FCRL4: variants seen among roughly 807,000 people sequenced by gnomAD.
FCRL4 encodes Fc receptor-like protein 4.
Under a neutral mutation model 64.1 loss-of-function variants are expected in FCRL4, and 43 were observed. The ratio of observed to expected loss-of-function variants is 0.67; its 90% CI spans 0.53 to 0.87. The LOEUF (loss-of-function observed/expected upper bound fraction) is 0.87, where lower values mean the gene tolerates loss of function less well. FCRL4 is among the 40% of genes least tolerant of loss of function. The probability of loss-of-function intolerance (pLI) is 0.00; values close to 1 mark genes in which losing one functional copy is unlikely to be tolerated. For synonymous variants in FCRL4, 253 were observed against 239.8 expected (o/e 1.05, Z -0.51); for missense variants, 656 against 613.5 (o/e 1.07, Z -0.73).
chr1:157,582,689 T>C (rs1652588488), intron 6 of FCRL4, among the ~76,000 whole-genome samples: 1 of 152,236 alleles, frequency 6.6e-6, no homozygotes. Flanking sequence ...GTGACATTTC[T>C]GATATTATCC....
intron 7 of FCRL4, chr1:157,580,584 C>T (rs1445933092): frequency 9.8e-6 from 5 of 512,104 alleles, no homozygotes; most frequent in Non-Finnish European, 1.8e-5. Context: ...TTTATTAAGA[C>T]TCAAGTCTGT....
intron 1 of FCRL4, 129 bp from the exon 2 acceptor site, chr1:157,596,477 C>G: frequency 9.4e-7 from 1 of 1,061,130 alleles, no homozygotes; most frequent in African/African-American, 1.6e-5. Context: ...CCATCCATCC[C>G]AGGGAAGCGG....
chr1:157,593,564 G>T (rs972925401), intron 2 of FCRL4, among the ~76,000 whole-genome samples: 25 of 152,166 alleles, frequency 1.6e-4, no homozygotes, highest in African/African-American at 5.8e-4. Flanking sequence ...AAACATGTAT[G>T]CATGGGCTGT....
chr1:157,596,457 A>ACGTTC (rs1652968870), intron 1 of FCRL4, 109 bp from the exon 2 acceptor site: 1 of 1,224,124 alleles, frequency 8.2e-7, no homozygotes, highest in Non-Finnish European at 1.2e-6. Context: ...GAAGAGAAAC[A>ACGTTC]CGTTCCATTC....
chr1:157,575,285 A>G lies in FCRL4; in HGVS notation c.*239T>C, dbSNP rs954948326. 4.4e-5 allele frequency: 24 copies of G among 543,894 alleles called. No homozygotes were observed. Among genetic ancestry groups the G allele is most frequent in the Non-Finnish European group, 7.0e-5 (21 of 301,616 alleles). The allele number at this position is 543,894 out of a possible 1,614,324, so 33.7% of individuals were successfully genotyped here. A position where few individuals can be genotyped will look rare whatever the true frequency, so the allele number is the denominator to read the frequency against. Reference sequence around the variant, plus strand: ...TTAGGTCAGGCCCACAGCAAATACTACAGGGTCTTCTCTTAACTGTGGATC... The same window carrying G: ...TTAGGTCAGGCCCACAGCAAATACTGCAGGGTCTTCTCTTAACTGTGGATC... On this transcript the variant is annotated 3_prime_UTR_variant, in exon 12 of 12. Transcript: ENST00000271532.
chr1:157,575,500 A>G lies in FCRL4; in HGVS notation c.*24T>C, dbSNP rs759887185. 1.9e-6 allele frequency: 3 copies of G among 1,572,792 alleles called. No individual in the cohort carries two copies. In the East Asian group the frequency reaches 6.7e-5, roughly 35 times the overall value. On this transcript the variant is annotated 3_prime_UTR_variant, in exon 12 of 12. Coordinates refer to ENST00000271532, the MANE Select transcript of FCRL4 (RefSeq NM_031282.3). ...ACAAGGGAGAAATCACATGAGTAGG[A>G]CGTTCTCGTAACTTTTCATTCTCTT... is the stretch of plus-strand genomic sequence containing the variant.
chr1:157,580,546 C>A (rs1396960084), intron 7 of FCRL4, 198 bp from the exon 8 acceptor site: 3 of 589,248 alleles, frequency 5.1e-6, no homozygotes, highest in Non-Finnish European at 9.2e-6. Context: ...CTGCACACTC[C>A]TGAGTTAAGT....
chr1:157,581,816 C>T (rs185480478), intron 6 of FCRL4, among the ~76,000 whole-genome samples, 172 bp from the exon 7 acceptor site: 109 of 152,256 alleles, frequency 7.2e-4, no homozygotes, highest in African/African-American at 2.5e-3. Flanking sequence ...ATTGGGTGGG[C>T]CAGGGCCTGA....
In FCRL4 at chr1:157,578,479, T is replaced by C. The variant is rs772913162; in HGVS notation, c.1424A>G (p.Glu475Gly). 10 of 1,612,972 alleles carry C rather than the reference T, an allele frequency of 6.2e-6. No homozygotes were observed. The South Asian group carries it at 1.1e-4, about 18-fold the overall frequency. Residue 475 changes from glutamate to glycine, a missense_variant, in exon 10 of 12, where the codon GAG becomes GGG. By Grantham distance (98) the Glu-to-Gly change is moderately conservative. Transcript: ENST00000271532. ...ATCTCTTCCCAAAGACGTACCTTCC[T>C]CTTCTTCTCCCAGCTGAGTAGTCTG... ...EIQTTQLGEE[E>G]EANTSRTLLE... is the part of the protein sequence containing the mutation.
At chr1:157,579,280 G>A (rs1219383401) in intron 8 of FCRL4, among the ~76,000 whole-genome samples, 7 of 152,214 alleles carry the variant, frequency 4.6e-5, no homozygotes, top group Non-Finnish European at 8.8e-5. Flanking sequence ...TGAGGTGGGA[G>A]GATTGCTTAA....
chr1:157,576,070 C>T (rs1409842494), intron 10 of FCRL4, among the ~76,000 whole-genome samples: 2 of 152,154 alleles, frequency 1.3e-5, no homozygotes, highest in South Asian at 2.1e-4. Context: ...CATCTCACCA[C>T]CCCCGATTGT....
At chr1:157,596,181 G>T (rs1652960210) in intron 2 of FCRL4, 147 bp downstream of exon 2, 3 of 854,412 alleles carry the variant, frequency 3.5e-6, no homozygotes, top group Admixed American at 2.3e-5. Context: ...TAGGGTCAGA[G>T]TCACCACACG....
chr1:157,575,533 T>C lies in FCRL4; in HGVS notation c.1539A>G (p.Glu513=). The change falls in exon 12 of 12, where the codon GAA becomes GAG. Residue 513 remains glutamate, a synonymous_variant. Coordinates refer to ENST00000271532, the MANE Select transcript of FCRL4 (RefSeq NM_031282.3). ...NSAGKISSKD[E]ES ...GTAACTTTTCATTCTCTTAACTTTC[T>C]TCATCCTTAGAGCTGATCTTTCCAG... 1.2e-6 allele frequency: 2 copies of C among 1,613,216 alleles called. 1 individual carries two copies. Among genetic ancestry groups the C allele is most frequent in the South Asian group, 2.2e-5 (2 of 91,030 alleles).
rs1371169166 is a variant in FCRL4 at position 157,589,288 on chromosome 1, G to A, written c.223C>T (p.Leu75Phe). ...EKLTLTPGNT[L>F]EVRESGLYRC... ...TACAGTCCAGATTCCCGAACCTCGA[G>A]GGTGTTTCCTGGGGTCAGGGTCAAC... The change falls in exon 3 of 12, where the codon CTC becomes TTC. Residue 75 changes from leucine (L) to phenylalanine (F), a missense_variant. Coordinates refer to ENST00000271532, the MANE Select transcript of FCRL4 (RefSeq NM_031282.3). 3.1e-6 allele frequency: 5 copies of A among 1,614,058 alleles called. No individual in the cohort carries two copies. In the African/African-American group the frequency reaches 6.7e-5, roughly 22 times the overall value.
chr1:157,589,143 A>G lies in FCRL4; in HGVS notation c.307+61T>C, dbSNP rs1040620123. The G allele has an allele frequency of 4.7e-5, 74 of 1,560,200 alleles. 1 individual carries two copies. The highest frequency in any genetic ancestry group is 3.4e-4 in the Middle Eastern group (2 of 5,838). On this transcript the variant is annotated intron_variant, in intron 3 of 11. Coordinates refer to ENST00000271532, the MANE Select transcript of FCRL4 (RefSeq NM_031282.3). ...AAAGACCCCAGTTCGTGGAATCTCC[A>G]GGGAGCTAAGATAAACTGATACCAT...
At chr1:157,596,203 C>T in intron 2 of FCRL4, 125 bp downstream of exon 2, 2 of 1,087,654 alleles carry the variant, frequency 1.8e-6, no homozygotes, top group South Asian at 1.4e-5. Context: ...GCTGATGTCT[C>T]TACATCCCTG....
At chr1:157,585,407 T>TTTCTTTCCTTCC (rs1553276938) in intron 6 of FCRL4, among the ~76,000 whole-genome samples, 1 of 137,206 alleles carries the variant, frequency 7.3e-6, no homozygotes, top group African/African-American at 2.9e-5. Context: ...TCTTTCTTTC[T>TTTCTTTCCTTCC]TTCTTTCTTT....
chr1:157,585,854 C>T (rs903155177), intron 6 of FCRL4, among the ~76,000 whole-genome samples: 4 of 152,122 alleles, frequency 2.6e-5, no homozygotes, highest in African/African-American at 4.8e-5. Context: ...GGTGACAGAG[C>T]TGTGCCCCAC....
At chr1:157,585,197 C>A (rs906324408) in intron 6 of FCRL4, among the ~76,000 whole-genome samples, 2 of 152,062 alleles carry the variant, frequency 1.3e-5, no homozygotes, top group African/African-American at 4.8e-5. Flanking sequence ...TTTCCAGTAA[C>A]TTAATAAAAG....
Sources: gnomAD v4.1 joint callset for allele counts (sites outside exome capture counted in the v4.1 genomes callset) on GRCh38, gnomAD v4.1.1 for gene constraint, MANE v1.5 for transcripts, NCBI Gene and HGNC (gene_info 2026-07-23, HGNC 2026-07-21) for gene names.